The following KIAA0232 variants were observed in gnomAD, a reference collection of about 807,000 sequenced individuals.
The protein encoded by KIAA0232 is uncharacterized protein KIAA0232.
A neutral mutation model predicts 122.0 loss-of-function variants in KIAA0232; 27 were observed. The ratio of observed to expected loss-of-function variants is 0.22; its 90% confidence interval spans 0.16 to 0.31. The LOEUF (loss-of-function observed/expected upper bound fraction) is 0.31, where lower values mean the gene tolerates loss of function less well. Among genes scored for constraint, KIAA0232 ranks in the 10% least tolerant of loss-of-function variants. KIAA0232 has a pLI of 1.00. For missense variants in KIAA0232, 1,551 were observed against 1,634.2 expected (o/e 0.95, Z 0.88); for synonymous variants, 613 against 587.6 (o/e 1.04, Z -0.63).
At chr4:6,835,023 A>G (rs187292414) in intron 3 of KIAA0232, among the ~76,000 whole-genome samples, 1 of 152,320 alleles carries the variant, frequency 6.6e-6, no homozygotes, top group African/African-American at 2.4e-5. Flanking sequence ...TAATTGGGTG[A>G]TTCACCCAAA....
rs4324543 is a variant in KIAA0232 at position 6,823,863 on chromosome 4, A to G, written c.-269-322A>G. ...TTTTAAAAATTTATTTATAAAGACA[A>G]TGTCTCAATATGTTCCCCACACTGG... On this transcript the variant is annotated intron_variant, in intron 2 of 9. Transcript: ENST00000307659. 5.2e-3 allele frequency among the ~76,000 whole-genome samples: 798 copies of G among 152,294 alleles called. 7 individuals carry two copies. Among genetic ancestry groups the G allele is most frequent in the African/African-American group, 0.018 (747 of 41,552 alleles).
At chr4:6,800,315 C>T (rs1717332084) in intron 1 of KIAA0232, among the ~76,000 whole-genome samples, 1 of 148,036 alleles carries the variant, frequency 6.8e-6, no homozygotes, top group Non-Finnish European at 1.5e-5. Flanking sequence ...GTCTTGGCCT[C>T]CCAAAGTACT....
intron 7 of KIAA0232, among the ~76,000 whole-genome samples, chr4:6,867,591 G>C (rs937771629): frequency 6.6e-6 from 1 of 152,228 alleles, no homozygotes; most frequent in African/African-American, 2.4e-5. Context: ...CTTACTTGCT[G>C]TCTTCAGGGA....
In KIAA0232 at chr4:6,863,868, C is replaced by G. The variant is rs770864409; in HGVS notation, c.3486C>G (p.Gly1162=). The G allele has an allele frequency of 1.2e-6, 2 of 1,613,896 alleles. No homozygotes were observed. The highest frequency in any genetic ancestry group is 1.7e-6 in the Non-Finnish European group (2 of 1,180,010). Residue 1162 remains glycine (G), a synonymous_variant, in exon 7 of 10, where the codon GGC becomes GGG. Coordinates refer to ENST00000307659, the MANE Select transcript of KIAA0232 (RefSeq NM_014743.3). ...KPLEEDAEKE[G]HYYGKSELES... Reference sequence around the variant, plus strand: ...TGGAAGAAGATGCAGAGAAAGAAGGCCATTACTATGGAAAATCAGAGCTTG... The same window carrying G: ...TGGAAGAAGATGCAGAGAAAGAAGGGCATTACTATGGAAAATCAGAGCTTG...
intron 4 of KIAA0232, among the ~76,000 whole-genome samples, chr4:6,856,789 C>A (rs529344364): frequency 6.6e-6 from 1 of 152,106 alleles, no homozygotes; most frequent in South Asian, 2.1e-4. Context: ...AGATCTCGCT[C>A]ACATAAATAT....
At position 6,864,125 on chromosome 4, in the gene KIAA0232, C is replaced by A. The variant is rs1157484438; in HGVS notation, c.3743C>A (p.Ala1248Glu). The A allele has an allele frequency of 3.1e-6, 5 of 1,614,088 alleles. No homozygotes were observed. In the East Asian group the frequency reaches 1.1e-4, roughly 36 times the overall value. ...ATTAATAATTTTTGTGGTTGCAAAG[C>A]AGGTTGTCAGTTTCCTGCTTATGAA... is the stretch of plus-strand genomic sequence containing the variant. ...EEINNFCGCKAGCQFPAYEDN... is the reference protein window; with the variant it reads ...EEINNFCGCKEGCQFPAYEDN... Residue 1248 changes from alanine (A) to glutamate (E), a missense_variant, in exon 7 of 10, where the codon GCA becomes GAA. Physicochemically the swap from Ala to Glu is moderately radical, Grantham distance 107. Transcript: ENST00000307659.
intron 5 of KIAA0232, among the ~76,000 whole-genome samples, chr4:6,857,447 G>C (rs1387766017): frequency 6.6e-6 from 1 of 152,184 alleles, no homozygotes; most frequent in African/African-American, 2.4e-5. Context: ...CTGCAACCAA[G>C]GGAGGGACTT....
intron 3 of KIAA0232, among the ~76,000 whole-genome samples, chr4:6,829,265 A>G (rs545426071): frequency 6.6e-6 from 1 of 152,244 alleles, no homozygotes; most frequent in South Asian, 2.1e-4. Context: ...GACAGTCTTT[A>G]TCATTCTTGG....
intron 4 of KIAA0232, among the ~76,000 whole-genome samples, chr4:6,851,994 T>A (rs1343010028): frequency 6.6e-6 from 1 of 152,186 alleles, no homozygotes; most frequent in Non-Finnish European, 1.5e-5. Flanking sequence ...ATTATTTAAT[T>A]ATTATAACAG....
At chr4:6,849,158 G>A (rs1720134986) in intron 4 of KIAA0232, among the ~76,000 whole-genome samples, 1 of 152,224 alleles carries the variant, frequency 6.6e-6, no homozygotes, top group African/African-American at 2.4e-5. Flanking sequence ...GGGACAGAGG[G>A]CAGATTGTGA....
rs1302964279 is a variant in KIAA0232, at chr4:6,864,142, G to C, written c.3760G>C (p.Ala1254Pro). The C allele has an allele frequency of 1.9e-6, 3 of 1,613,858 alleles. No individual in the cohort carries two copies. Among genetic ancestry groups the C allele is most frequent in the Non-Finnish European group, 2.5e-6 (3 of 1,179,930 alleles). Residue 1254 changes from alanine (A) to proline (P), a missense_variant, in exon 7 of 10, where the codon GCT becomes CCT. By Grantham distance (27) the Ala-to-Pro change is conservative. This residue lies in a region of KIAA0232 where 1,108 missense variants were observed against 1,154.8 expected (regional missense o/e 0.96). Transcript: ENST00000307659. Reference sequence around the variant, plus strand: ...TTGCAAAGCAGGTTGTCAGTTTCCTGCTTATGAAGATAATCCAGTTTCTTC... The same window carrying C: ...TTGCAAAGCAGGTTGTCAGTTTCCTCCTTATGAAGATAATCCAGTTTCTTC... ...CGCKAGCQFP[A>P]YEDNPVSSGQ... is the part of the protein sequence containing the mutation.
intron 7 of KIAA0232, among the ~76,000 whole-genome samples, chr4:6,867,132 C>T (rs770648866): frequency 1.5e-4 from 23 of 152,070 alleles, no homozygotes; most frequent in African/African-American, 4.8e-4. Context: ...ACTATTCCAT[C>T]GTATGGATAT....
intron 3 of KIAA0232, among the ~76,000 whole-genome samples, chr4:6,841,403 T>C (rs1386279138): frequency 6.6e-6 from 1 of 152,240 alleles, no homozygotes; most frequent in Non-Finnish European, 1.5e-5. Flanking sequence ...ACTGACATGC[T>C]AGAAGGCAAA....
chr4:6,805,688 G>A (rs1311628966), intron 2 of KIAA0232, among the ~76,000 whole-genome samples: 1 of 152,098 alleles, frequency 6.6e-6, no homozygotes, highest in Admixed American at 6.5e-5. Flanking sequence ...AATTATTTTG[G>A]TACACTATGA....
chr4:6,792,821 C>G (rs569121199), intron 1 of KIAA0232, among the ~76,000 whole-genome samples: 6 of 151,884 alleles, frequency 4.0e-5, no homozygotes, highest in Non-Finnish European at 8.8e-5. Flanking sequence ...TCCTGAGTAG[C>G]TGGGACCACA....
At chr4:6,787,340 T>G (rs1716673799) in intron 1 of KIAA0232, among the ~76,000 whole-genome samples, 1 of 152,198 alleles carries the variant, frequency 6.6e-6, no homozygotes, top group African/African-American at 2.4e-5. Context: ...TAGAACTGGA[T>G]TTGAAAGACT....
intron 3 of KIAA0232, among the ~76,000 whole-genome samples, chr4:6,837,346 C>T (rs968669250): frequency 2.0e-5 from 3 of 151,258 alleles, no homozygotes; most frequent in African/African-American, 4.9e-5. Context: ...TCCCCACATC[C>T]CAGACGATGG....
At chr4:6,814,661 G>T (rs1465676019) in intron 2 of KIAA0232, among the ~76,000 whole-genome samples, 1 of 152,054 alleles carries the variant, frequency 6.6e-6, no homozygotes, top group Non-Finnish European at 1.5e-5. Flanking sequence ...ACATTATTCT[G>T]TTTTACAGAT....
At chr4:6,815,853 T>C (rs1490529026) in intron 2 of KIAA0232, among the ~76,000 whole-genome samples, 1 of 152,198 alleles carries the variant, frequency 6.6e-6, no homozygotes, top group African/African-American at 2.4e-5. Context: ...TAACCAGCTT[T>C]GAGATCATGT....
Sources: gnomAD v4.1 joint callset for allele counts (sites outside exome capture counted in the v4.1 genomes callset) on GRCh38, gnomAD v4.1.1 for gene constraint, gnomAD v4.1.1 regional missense constraint, MANE v1.5 for transcripts, NCBI Gene and HGNC (gene_info 2026-07-23, HGNC 2026-07-21) for gene names.